The following ATF6 variants were observed in gnomAD, a reference collection of about 807,000 sequenced individuals.
ATF6 encodes the protein activating transcription factor 6.
In ATF6, 53 loss-of-function variants were observed where a neutral mutation model predicts 83.6. That is an observed-to-expected ratio of 0.63 (90% CI 0.51 to 0.80). ATF6 has a LOEUF of 0.80. ATF6 is among the 30% of genes least tolerant of loss of function. ATF6 has a pLI of 0.00. For missense variants in ATF6, 744 were observed against 797.9 expected, an observed-to-expected ratio of 0.93 and a Z score of 0.81; for synonymous variants, 288 against 285.8, an observed-to-expected ratio of 1.01 and a Z score of -0.08.
At chr1:161,856,234 C>G (rs1357412459) in intron 12 of ATF6, among the ~76,000 whole-genome samples, 1 of 152,188 alleles carries the variant, frequency 6.6e-6, no homozygotes, top group Non-Finnish European at 1.5e-5. Context: ...CAAACTCTGA[C>G]ATTCTGAAAT....
At chr1:161,792,036 G>A in intron 5 of ATF6, 88 bp from the exon 6 acceptor site, 1 of 1,073,488 alleles carries the variant, frequency 9.3e-7, no homozygotes, top group Non-Finnish European at 1.4e-6. Context: ...AAGATAATGT[G>A]TAGAGAAAGG....
In ATF6 at chr1:161,812,784, CTGTG is replaced by C. The variant is rs4040222; in HGVS notation, c.910-6819_910-6816del. ...GATGGAAGTAATAATTTTGCCTCCT[CTGTG>C]TGTGTGTGTGTGTGTGTGTGTGTGT... On this transcript the variant is annotated intron_variant, in intron 7 of 15. Transcript: ENST00000367942. 2.7e-3 allele frequency among the ~76,000 whole-genome samples: 393 copies of C among 145,432 alleles called. 2 individuals are homozygous for C. The highest frequency in any genetic ancestry group is 4.2e-3 in the Non-Finnish European group (274 of 65,666).
At chr1:161,949,675 G>A (rs918751531) in intron 15 of ATF6, among the ~76,000 whole-genome samples, 2 of 152,192 alleles carry the variant, frequency 1.3e-5, no homozygotes, top group Non-Finnish European at 2.9e-5. Context: ...GAAATCACAT[G>A]ATGAGAGAAG....
chr1:161,771,954 A>G (rs1684398293), intron 1 of ATF6, among the ~76,000 whole-genome samples: 1 of 152,188 alleles, frequency 6.6e-6, no homozygotes, highest in Non-Finnish European at 1.5e-5. Context: ...ACCCAGTCTC[A>G]GCCATTTGCT....
chr1:161,835,518 T>G (rs1686192266), intron 9 of ATF6, among the ~76,000 whole-genome samples: 1 of 152,238 alleles, frequency 6.6e-6, no homozygotes, highest in South Asian at 2.1e-4. Context: ...TTGTATTTCT[T>G]TCTTCCTATA....
chr1:161,834,072 G>T (rs971842134), intron 9 of ATF6, among the ~76,000 whole-genome samples: 6 of 152,204 alleles, frequency 3.9e-5, no homozygotes, highest in African/African-American at 1.2e-4. Flanking sequence ...CAGAAACTCT[G>T]CAAGCCAGAA....
intron 14 of ATF6, among the ~76,000 whole-genome samples, chr1:161,907,609 G>A (rs1347021836): frequency 6.6e-6 from 1 of 152,160 alleles, no homozygotes; most frequent in African/African-American, 2.4e-5. Context: ...AAGATAAAGG[G>A]CTCCAACCTT....
chr1:161,766,650 A>C (rs1684271381), intron 1 of ATF6, among the ~76,000 whole-genome samples: 1 of 152,162 alleles, frequency 6.6e-6, no homozygotes, highest in Admixed American at 6.5e-5. Context: ...AATATTGTCT[A>C]ACTGGAGTTA....
intron 12 of ATF6, among the ~76,000 whole-genome samples, chr1:161,855,935 G>C (rs1448399936): frequency 6.6e-6 from 1 of 152,164 alleles, no homozygotes. Flanking sequence ...TAATAATAGA[G>C]GGGGAAGTGA....
Position 161,802,133 on chromosome 1 carries a change from C to A in ATF6, c.770C>A (p.Ala257Asp). 1 of 1,614,126 alleles carries A rather than the reference C, an allele frequency of 6.2e-7. No individual in the cohort carries two copies. Among genetic ancestry groups the A allele is most frequent in the Non-Finnish European group, 8.5e-7 (1 of 1,180,002 alleles). The change falls in exon 7 of 16, where the codon GCT becomes GAT. Residue 257 changes from alanine (A) to aspartate (D), a missense_variant. By Grantham distance (126) the Ala-to-Asp change is moderately radical. Coordinates refer to ENST00000367942, the MANE Select transcript of ATF6 (RefSeq NM_007348.4). ...CTGCCCTCTGCTCAGCCAGTCCTTG[C>A]TGTTGCTGGGGGAGTCACACAGCTC... Reference protein sequence around the residue: ...GVLPSAQPVLAVAGGVTQLPN... With the variant: ...GVLPSAQPVLDVAGGVTQLPN...
intron 2 of ATF6, among the ~76,000 whole-genome samples, chr1:161,780,192 A>G (rs888479412): frequency 2.0e-5 from 3 of 151,844 alleles, no homozygotes; most frequent in Admixed American, 6.6e-5. Flanking sequence ...ATATTTACTC[A>G]GTTATGGGCA....
chr1:161,895,873 A>G (rs535676760), intron 14 of ATF6, among the ~76,000 whole-genome samples: 4 of 152,312 alleles, frequency 2.6e-5, no homozygotes, highest in African/African-American at 9.6e-5. Context: ...AGGGAATTCT[A>G]CTTCCTCTGT....
intron 15 of ATF6, among the ~76,000 whole-genome samples, chr1:161,922,790 T>C (rs967754667): frequency 1.3e-5 from 2 of 151,648 alleles, no homozygotes; most frequent in African/African-American, 2.4e-5. Flanking sequence ...TAGGACCCAG[T>C]AGGGAGAGGA....
At chr1:161,775,435 C>CA (rs1478517918) in intron 1 of ATF6, among the ~76,000 whole-genome samples, 9 of 152,186 alleles carry the variant, frequency 5.9e-5, no homozygotes, top group Non-Finnish European at 1.2e-4. Flanking sequence ...CTAACTCTAT[C>CA]ATTCTGTCTA....
At chr1:161,776,684 G>A (rs1254636685) in intron 1 of ATF6, among the ~76,000 whole-genome samples, 8 of 152,312 alleles carry the variant, frequency 5.3e-5, no homozygotes, top group African/African-American at 1.7e-4. Flanking sequence ...GGACAAAGCA[G>A]TAGGAGGTTT....
At chr1:161,868,519 G>A (rs553387892) in intron 14 of ATF6, among the ~76,000 whole-genome samples, 2 of 152,100 alleles carry the variant, frequency 1.3e-5, no homozygotes, top group Admixed American at 1.3e-4. Flanking sequence ...AGGAAATATC[G>A]TATGCTTTTG....
intron 15 of ATF6, among the ~76,000 whole-genome samples, chr1:161,944,766 AG>A (rs964421199): frequency 2.6e-5 from 4 of 152,244 alleles, no homozygotes; most frequent in African/African-American, 7.2e-5. Flanking sequence ...ACTTAAGGCC[AG>A]GGAACTAAAT....
chr1:161,951,969 T>A lies in ATF6; in HGVS notation c.1805-6477T>A, dbSNP rs917563459. Among the ~76,000 whole-genome samples the A allele has an allele frequency of 6.6e-5, 10 of 152,326 alleles. No individual in the cohort carries two copies. In the East Asian group the frequency reaches 1.9e-3, roughly 29 times the overall value. On this transcript the variant is annotated intron_variant, in intron 15 of 15. Transcript: ENST00000367942. ...GTCTGTAATAGTACCTGGCCATTACTGGTCTATAATCAGTGCTCATATAAT... is the reference window on the plus strand; with the variant it reads ...GTCTGTAATAGTACCTGGCCATTACAGGTCTATAATCAGTGCTCATATAAT...
At chr1:161,879,749 T>C (rs1302399188) in intron 14 of ATF6, among the ~76,000 whole-genome samples, 1 of 152,088 alleles carries the variant, frequency 6.6e-6, no homozygotes, top group Non-Finnish European at 1.5e-5. Context: ...TCATCAGGCA[T>C]CTTTGAAATT....
Sources: gnomAD v4.1 joint callset for allele counts (sites outside exome capture counted in the v4.1 genomes callset) on GRCh38, gnomAD v4.1.1 for gene constraint, MANE v1.5 for transcripts, NCBI Gene and HGNC (gene_info 2026-07-23, HGNC 2026-07-21) for gene names.